The following TRAK1 variants were observed in gnomAD, a reference collection of about 807,000 sequenced individuals.
The protein encoded by TRAK1 is trafficking kinesin-binding protein 1.
In TRAK1, 33 loss-of-function variants were observed where a neutral mutation model predicts 92.1. The ratio of observed to expected loss-of-function variants is 0.36; its 90% CI spans 0.27 to 0.48. The LOEUF is 0.48. Among genes scored for constraint, TRAK1 ranks in the 20% least tolerant of loss-of-function variants. TRAK1 has a pLI of 0.99. For missense variants in TRAK1, 1,123 were observed against 1,257.9 expected, an observed-to-expected ratio of 0.89 and a Z score of 1.62; for synonymous variants, 521 against 517.3, an observed-to-expected ratio of 1.01 and a Z score of -0.10.
intron 13 of TRAK1, chr3:42,203,712 T>TA: frequency 2.0e-6 from 2 of 985,070 alleles, no homozygotes; most frequent in African/African-American, 1.7e-5. Context: ...TTCCCAACTT[T>TA]AAAAAAATTA....
intron 2 of TRAK1, among the ~76,000 whole-genome samples, chr3:42,138,924 T>TGTGTGTG (rs1491483442): frequency 9.9e-4 from 128 of 129,280 alleles, no homozygotes; most frequent in South Asian, 1.7e-3. Flanking sequence ...TGTGTGTGTG[T>TGTGTGTG]TTGGAGGAGG....
intron 13 of TRAK1, chr3:42,203,625 C>T (rs1364253072): frequency 6.1e-6 from 6 of 984,398 alleles, no homozygotes; most frequent in Non-Finnish European, 6.0e-6. Flanking sequence ...AAGCCATATA[C>T]GTTTGAGAAG....
chr3:42,059,971 C>T (rs1009859983), intron 1 of TRAK1, among the ~76,000 whole-genome samples: 3 of 152,218 alleles, frequency 2.0e-5, no homozygotes, highest in Non-Finnish European at 1.5e-5. Context: ...CATAGCAATT[C>T]TGAAAGTGCT....
chr3:42,163,585 A>G (rs1029959616), intron 2 of TRAK1, among the ~76,000 whole-genome samples: 2 of 151,892 alleles, frequency 1.3e-5, no homozygotes, highest in African/African-American at 4.8e-5. Flanking sequence ...AAAAAAAAAA[A>G]AGGCATGGAC....
At chr3:42,218,009 C>T (rs1054324604) in intron 14 of TRAK1, 1 of 985,056 alleles carries the variant, frequency 1.0e-6, no homozygotes, top group Non-Finnish European at 1.2e-6. Flanking sequence ...AGAGTTTTCT[C>T]CTGTGGCCGT....
At chr3:42,102,955 A>G (rs560809910) in intron 1 of TRAK1, among the ~76,000 whole-genome samples, 1 of 152,142 alleles carries the variant, frequency 6.6e-6, no homozygotes, top group Non-Finnish European at 1.5e-5. Context: ...TTCTTGTAAC[A>G]GCTTCATTGA....
intron 2 of TRAK1, chr3:42,160,246 GGC>G: frequency 6.5e-7 from 1 of 1,528,360 alleles, no homozygotes. Flanking sequence ...CCCAGGCCAG[GGC>G]GCAGTGTGTG....
rs577042627 is a variant in TRAK1 at position 42,181,341 on chromosome 3, C to T, written c.364-3344C>T. Among the ~76,000 whole-genome samples the T allele has an allele frequency of 9.9e-5, 15 of 152,200 alleles. 1 individual carries two copies. The highest frequency in any genetic ancestry group is 3.1e-4 in the African/African-American group (13 of 41,518). On this transcript the variant is annotated intron_variant, in intron 3 of 15. Coordinates refer to ENST00000327628, the MANE Select transcript of TRAK1 (RefSeq NM_001042646.3). ...GGCAGATTACTTGAGGTCAGGAGTC[C>T]GATACTAGCCTGGCCTACATGGTGA...
At chr3:42,174,824 C>G (rs917341284) in intron 2 of TRAK1, among the ~76,000 whole-genome samples, 1 of 151,518 alleles carries the variant, frequency 6.6e-6, no homozygotes, top group Non-Finnish European at 1.5e-5. Flanking sequence ...GCCTTGGCCT[C>G]GCAAAGTGCT....
At position 42,223,262 on chromosome 3, in the gene TRAK1, C is replaced by T; in HGVS notation, c.2387C>T (p.Ser796Phe). The T allele has an allele frequency of 1.2e-6, 2 of 1,614,256 alleles. No individual in the cohort carries two copies. Among genetic ancestry groups the T allele is most frequent in the Non-Finnish European group, 1.7e-6 (2 of 1,180,048 alleles). The change falls in exon 16 of 16, where the codon TCC (serine) becomes TTC (phenylalanine). Residue 796 changes from serine (S) to phenylalanine (F), a missense_variant. Transcript: ENST00000327628. The surrounding 1 kb of genome is among the most constrained non-coding windows in gnomAD (Gnocchi z 6.1). ...PMQTPTSSPP[S>F]FEFKCTSPPY... ...CAGACACCCACATCCTCCCCACCCT[C>T]CTTTGAGTTCAAGTGCACGAGCCCT...
chr3:42,139,296 C>G (rs2149210536), intron 2 of TRAK1, among the ~76,000 whole-genome samples: 1 of 152,050 alleles, frequency 6.6e-6, no homozygotes, highest in East Asian at 1.9e-4. Context: ...CGTATGCGGT[C>G]TCTTTCTTGG....
intron 2 of TRAK1, among the ~76,000 whole-genome samples, chr3:42,161,386 C>T (rs960407396): frequency 2.0e-5 from 3 of 151,690 alleles, no homozygotes; most frequent in Admixed American, 6.6e-5. Flanking sequence ...TTTCTTTTTT[C>T]TTTTTTTTGG....
At chr3:42,059,768 T>C (rs77341013) in intron 1 of TRAK1, among the ~76,000 whole-genome samples, 13,265 of 152,264 alleles carry the variant, frequency 0.087, 629 homozygotes, top group Non-Finnish European at 0.11. Flanking sequence ...AGGCAGGATA[T>C]AGGGTAACTT....
intron 1 of TRAK1, among the ~76,000 whole-genome samples, chr3:42,118,559 C>T (rs895332541): frequency 5.3e-5 from 8 of 152,210 alleles, no homozygotes; most frequent in Non-Finnish European, 2.9e-5. Flanking sequence ...GGAGTCTCCT[C>T]CTAGCCGCTC....
At chr3:42,168,060 C>T (rs1364788474) in intron 2 of TRAK1, among the ~76,000 whole-genome samples, 2 of 152,144 alleles carry the variant, frequency 1.3e-5, no homozygotes, top group African/African-American at 4.8e-5. Context: ...AGGTTTATGC[C>T]TAGGAAAAGA....
chr3:42,058,431 G>A (rs372539991), intron 1 of TRAK1, among the ~76,000 whole-genome samples: 2 of 151,950 alleles, frequency 1.3e-5, no homozygotes, highest in Non-Finnish European at 2.9e-5. Context: ...TCTGCCTCCC[G>A]GGTTCAAGCA....
chr3:42,185,407 A>G (rs1000757335), intron 4 of TRAK1, among the ~76,000 whole-genome samples: 1 of 152,202 alleles, frequency 6.6e-6, no homozygotes, highest in Admixed American at 6.5e-5. Context: ...GCTGATGGAT[A>G]TCAATGGTGA....
chr3:42,072,061 T>C (rs1330942700), intron 1 of TRAK1, among the ~76,000 whole-genome samples: 1 of 152,206 alleles, frequency 6.6e-6, no homozygotes, highest in East Asian at 1.9e-4. Flanking sequence ...GGGATGCCTC[T>C]CTGAGAACTG....
intron 1 of TRAK1, among the ~76,000 whole-genome samples, chr3:42,081,178 T>C (rs1704418895): frequency 6.6e-6 from 1 of 152,176 alleles, no homozygotes; most frequent in African/African-American, 2.4e-5. Flanking sequence ...GCCTGGCCAC[T>C]GTGAGCCACA....
Sources: gnomAD v4.1 joint callset for allele counts (sites outside exome capture counted in the v4.1 genomes callset) on GRCh38, gnomAD v4.1.1 for gene constraint, Gnocchi (gnomAD v3.1) non-coding constraint, MANE v1.5 for transcripts, NCBI Gene and HGNC (gene_info 2026-07-23, HGNC 2026-07-21) for gene names.